Variants in CARMIL1 observed in about 807,000 individuals in gnomAD.
CARMIL1 encodes the protein F-actin-uncapping protein LRRC16A.
A neutral mutation model predicts 177.1 loss-of-function variants in CARMIL1; 90 were observed. That is an observed-to-expected ratio of 0.51 (90% confidence interval 0.43 to 0.61). The LOEUF (loss-of-function observed/expected upper bound fraction) is 0.61, where lower values mean the gene tolerates loss of function less well. Among genes scored for constraint, CARMIL1 ranks in the 20% least tolerant of loss-of-function variants. The pLI is 0.00. For missense variants in CARMIL1, 1,380 were observed against 1,667.0 expected (o/e 0.83, Z 3.00); for synonymous variants, 577 against 606.2 (o/e 0.95, Z 0.71).
chr6:25,296,901 C>T (rs190772748), intron 2 of CARMIL1, among the ~76,000 whole-genome samples: 48 of 38,954 alleles, frequency 1.2e-3, no homozygotes, highest in African/African-American at 6.4e-3. Context: ...CTTTATCTAT[C>T]TATCTATCTA....
intron 32 of CARMIL1, among the ~76,000 whole-genome samples, chr6:25,597,192 T>C (rs1040905940): frequency 6.6e-6 from 1 of 152,100 alleles, no homozygotes; most frequent in African/African-American, 2.4e-5. Context: ...CAACCCACTC[T>C]CTCAAGAATG....
chr6:25,373,992 G>A (rs1380580939), intron 2 of CARMIL1, among the ~76,000 whole-genome samples: 1 of 152,142 alleles, frequency 6.6e-6, no homozygotes, highest in Non-Finnish European at 1.5e-5. Context: ...TTTCCTTGAT[G>A]TATTTTTTGT....
At chr6:25,302,696 G>A (rs1315496281) in intron 2 of CARMIL1, among the ~76,000 whole-genome samples, 2 of 152,154 alleles carry the variant, frequency 1.3e-5, no homozygotes, top group Non-Finnish European at 2.9e-5. Context: ...CTTTGTTCAC[G>A]ATGCAGGGAT....
intron 32 of CARMIL1, among the ~76,000 whole-genome samples, chr6:25,595,468 A>G (rs1814749483): frequency 6.6e-6 from 1 of 152,178 alleles, no homozygotes; most frequent in Admixed American, 6.5e-5. Context: ...AACCTTTAGG[A>G]CCCAATTATT....
Position 25,382,422 on chromosome 6 carries a change from C to T in CARMIL1, c.139-37692C>T, listed in dbSNP as rs542856765. Reference sequence around the variant, plus strand: ...CGGACCTTTGCGGTGAGTGTTACAGCTCTTAAAGGTGGCACGGAGCCAAAG... The same window carrying T: ...CGGACCTTTGCGGTGAGTGTTACAGTTCTTAAAGGTGGCACGGAGCCAAAG... On this transcript the variant is annotated intron_variant, in intron 2 of 36. Transcript: ENST00000329474. Among the ~76,000 whole-genome samples, 3 of 152,246 alleles carry T rather than the reference C, an allele frequency of 2.0e-5. No individual in the cohort carries two copies. In the East Asian group the frequency reaches 5.8e-4, roughly 29 times the overall value.
At chr6:25,341,155 C>CTTA (rs1562007613) in intron 2 of CARMIL1, among the ~76,000 whole-genome samples, 1 of 122,546 alleles carries the variant, frequency 8.2e-6, no homozygotes, top group African/African-American at 3.3e-5. Flanking sequence ...TTTACAGAGG[C>CTTA]GTAAACGGGA....
At chr6:25,451,638 C>A (rs372904741) in intron 8 of CARMIL1, among the ~76,000 whole-genome samples, 1 of 152,112 alleles carries the variant, frequency 6.6e-6, no homozygotes, top group African/African-American at 2.4e-5. Flanking sequence ...GCAGACCTGG[C>A]AAATTTATTT....
chr6:25,462,063 G>A (rs961974783), intron 8 of CARMIL1, among the ~76,000 whole-genome samples: 1 of 151,974 alleles, frequency 6.6e-6, no homozygotes. Context: ...TATGCATTTT[G>A]GATACAATTC....
intron 20 of CARMIL1, among the ~76,000 whole-genome samples, chr6:25,512,930 G>GA (rs1805600661): frequency 6.6e-6 from 1 of 152,108 alleles, no homozygotes; most frequent in African/African-American, 2.4e-5. Flanking sequence ...GTTCAGCTAT[G>GA]AAAAAGAAAT....
At chr6:25,418,515 C>T (rs193118945) in intron 2 of CARMIL1, among the ~76,000 whole-genome samples, 40 of 151,190 alleles carry the variant, frequency 2.6e-4, no homozygotes, top group African/African-American at 8.7e-4. Context: ...GGTGCTTTGT[C>T]CCATTTCCTT....
chr6:25,581,531 C>G (rs1813120900), intron 31 of CARMIL1, 92 bp downstream of exon 31: 1 of 1,178,914 alleles, frequency 8.5e-7, no homozygotes, highest in African/African-American at 1.6e-5. Context: ...TTTGCACAAA[C>G]ATGAAAGCTA....
chr6:25,451,986 G>GCCCCCCAC, intron 8 of CARMIL1: 1 of 112,672 alleles, frequency 8.9e-6, no homozygotes, highest in South Asian at 7.1e-5. Flanking sequence ...CTAGCATCTT[G>GCCCCCCAC]CCCCCCCCTC....
chr6:25,487,510 T>C (rs1017607856), intron 12 of CARMIL1, among the ~76,000 whole-genome samples: 1 of 152,230 alleles, frequency 6.6e-6, no homozygotes, highest in African/African-American at 2.4e-5. Flanking sequence ...AATTAAGAAA[T>C]AGCCATATTT....
chr6:25,381,244 G>A (rs1791499791), intron 2 of CARMIL1, among the ~76,000 whole-genome samples: 1 of 152,174 alleles, frequency 6.6e-6, no homozygotes, highest in Admixed American at 6.5e-5. Flanking sequence ...ATAAAAAATT[G>A]TGTCACCTAA....
At chr6:25,450,487 T>C in intron 7 of CARMIL1, 78 bp downstream of exon 7, 1 of 1,295,718 alleles carries the variant, frequency 7.7e-7, no homozygotes, top group Non-Finnish European at 1.1e-6. Context: ...CTTGTTTTTC[T>C]TTTTTTCCCT....
intron 2 of CARMIL1, among the ~76,000 whole-genome samples, chr6:25,290,225 A>G (rs1026835387): frequency 1.3e-5 from 2 of 152,066 alleles, no homozygotes; most frequent in African/African-American, 2.4e-5. Flanking sequence ...CCTCCCAAGT[A>G]GCTGGGACTA....
Position 25,450,625 on chromosome 6 carries a change from A to G in CARMIL1, c.541-13A>G, listed in dbSNP as rs1798691270. ...CATGGACTGATGACATGACTGAATT[A>G]TATTTCAAATAGGATGTGGATACAA... On this transcript the variant is annotated splice_polypyrimidine_tract_variant and intron_variant, in intron 7 of 36. Coordinates refer to ENST00000329474, the MANE Select transcript of CARMIL1 (RefSeq NM_017640.6). 6.7e-7 allele frequency: 1 copy of G among 1,502,640 alleles called. No homozygotes were observed. 93.1% of individuals were successfully genotyped at this position (1,502,640 alleles called of 1,614,324 possible). A position where few individuals can be genotyped will look rare whatever the true frequency, so the allele number is the denominator to read the frequency against.
At chr6:25,309,354 CAAAAAAAAAA>C (rs70975001) in intron 2 of CARMIL1, among the ~76,000 whole-genome samples, 103 of 85,680 alleles carry the variant, frequency 1.2e-3, no homozygotes, top group Middle Eastern at 6.2e-3. Flanking sequence ...GAGTCCCTCT[CAAAAAAAAAA>C]AAAAAAAAAA....
At chr6:25,459,266 C>CTTTCTTTCTTTCTTTCTTT in intron 8 of CARMIL1, among the ~76,000 whole-genome samples, 6 of 73,766 alleles carry the variant, frequency 8.1e-5, no homozygotes, top group African/African-American at 2.5e-4. Flanking sequence ...TTCTTTCTTT[C>CTTTCTTTCTTTCTTTCTTT]TTTTTTTTTT....
Sources: gnomAD v4.1 joint callset for allele counts (sites outside exome capture counted in the v4.1 genomes callset) on GRCh38, gnomAD v4.1.1 for gene constraint, MANE v1.5 for transcripts, NCBI Gene and HGNC (gene_info 2026-07-23, HGNC 2026-07-21) for gene names.